ARFRP1: variants seen among roughly 807,000 people sequenced by gnomAD.
ARFRP1 encodes the protein ARF related protein 1.
In ARFRP1, 19 loss-of-function variants were observed where a neutral mutation model predicts 30.3. The observed-to-expected ratio is 0.63, with a 90% CI of 0.44 to 0.92. ARFRP1 has a LOEUF of 0.92. Among genes scored for constraint, ARFRP1 ranks in the 40% least tolerant of loss-of-function variants. The pLI is 0.00. For synonymous variants in ARFRP1, 133 were observed against 114.2 expected (o/e 1.16, Z -1.05); for missense variants, 245 against 267.5 (o/e 0.92, Z 0.59).
Position 63,706,631 on chromosome 20 carries a change from C to G in ARFRP1, c.181+20G>C, listed in dbSNP as rs761022856. 6.3e-7 allele frequency: 1 copy of G among 1,587,754 alleles called. No homozygotes were observed. Among genetic ancestry groups the G allele is most frequent in the Admixed American group, 1.7e-5 (1 of 59,982 alleles). On this transcript the variant is annotated intron_variant, in intron 3 of 7. Coordinates refer to ENST00000622789, the MANE Select transcript of ARFRP1 (RefSeq NM_001267547.3). ...CATCCTCAAGGCCCCAAACCCACAG[C>G]CTGCTATTGAGACCCTTACTGTTTA... is the stretch of plus-strand genomic sequence containing the variant.
chr20:63,702,045 A>C (rs1281798168), intron 5 of ARFRP1, 91 bp downstream of exon 5: 1 of 1,247,798 alleles, frequency 8.0e-7, no homozygotes, highest in Admixed American at 2.0e-5. Flanking sequence ...TTCTGACCAG[A>C]CACTGAGCCT....
intron 2 of ARFRP1, 95 bp from the exon 3 acceptor site, chr20:63,706,833 G>C: frequency 7.7e-7 from 1 of 1,302,962 alleles, no homozygotes; most frequent in Non-Finnish European, 1.1e-6. Flanking sequence ...GACAGAAACA[G>C]AAACAGAGCA....
At position 63,699,895 on chromosome 20, in the gene ARFRP1, C is replaced by T. The variant is rs906974233; in HGVS notation, c.*548G>A. 8 of 173,016 alleles carry T rather than the reference C, an allele frequency of 4.6e-5. No individual in the cohort carries two copies. The highest frequency in any genetic ancestry group is 1.3e-4 in the South Asian group (1 of 7,544). The allele number at this position is 173,016 out of a possible 1,614,324, so 10.7% of individuals were successfully genotyped here. A position where few individuals can be genotyped will look rare whatever the true frequency, so the allele number is the denominator to read the frequency against. On this transcript the variant is annotated 3_prime_UTR_variant, in exon 8 of 8. Coordinates refer to ENST00000622789, the MANE Select transcript of ARFRP1 (RefSeq NM_001267547.3). ...TCCCCCGCAGGCCTCAGCCCTGTCCCGAGGCTGCATCACAATCCAGGGCCC... is the reference window on the plus strand; with the variant it reads ...TCCCCCGCAGGCCTCAGCCCTGTCCTGAGGCTGCATCACAATCCAGGGCCC...
At chr20:63,700,886 A>G (rs1407290651) in intron 6 of ARFRP1, 184 bp from the exon 7 acceptor site, 16 of 785,704 alleles carry the variant, frequency 2.0e-5, no homozygotes, top group Non-Finnish European at 2.8e-5. Flanking sequence ...GAGGCTGAAC[A>G]TGGCTGGTAG....
intron 1 of ARFRP1, chr20:63,707,298 G>C: frequency 3.5e-6 from 2 of 572,568 alleles, no homozygotes; most frequent in South Asian, 4.3e-5. Flanking sequence ...CCTGCTCACA[G>C]CAATGACTGC....
In ARFRP1 at chr20:63,700,691, TGA is replaced by T. The variant is rs1568747960; in HGVS notation, c.427_428del (p.Ser143AsnfsTer3). On this transcript the variant is annotated frameshift_variant, in exon 7 of 8. Coordinates refer to ENST00000622789, the MANE Select transcript of ARFRP1 (RefSeq NM_001267547.3). LOFTEE classifies it high-confidence loss of function. Reference sequence around the variant, plus strand: ...TGAAGGCCGTCTTGATGTCAGGGATTGAGAGGCACGTCTGGGGGAGGTAAGGC... The same window carrying T: ...TGAAGGCCGTCTTGATGTCAGGGATTGAGGCACGTCTGGGGGAGGTAAGGC... ...ANKQDVETCL[S>X]IPDIKTAFSD... is the part of the protein sequence containing the mutation. 1.2e-6 allele frequency: 2 copies of T among 1,610,796 alleles called. No individual in the cohort carries two copies. Among genetic ancestry groups the T allele is most frequent in the Non-Finnish European group, 1.7e-6 (2 of 1,179,874 alleles).
intron 4 of ARFRP1, 153 bp downstream of exon 4, chr20:63,706,202 CAG>C: frequency 1.4e-6 from 1 of 717,288 alleles, no homozygotes; most frequent in East Asian, 2.6e-5. Flanking sequence ...TGGGACAAAA[CAG>C]GGAGCCACTC....
rs533959149 is a variant in ARFRP1, at chr20:63,699,992, C to T, written c.*451G>A. The T allele has an allele frequency of 8.1e-5, 15 of 185,664 alleles. No individual in the cohort carries two copies. The highest frequency in any genetic ancestry group is 2.1e-4 in the East Asian group (1 of 4,762). The allele number at this position is 185,664 out of a possible 1,614,324, so 11.5% of individuals were successfully genotyped here. On this transcript the variant is annotated 3_prime_UTR_variant, in exon 8 of 8. Coordinates refer to ENST00000622789, the MANE Select transcript of ARFRP1 (RefSeq NM_001267547.3). ...CAGCCCCAGACCACTTCCGGGGTCACGGGGTCACGGGGTCACAGGGCAGAA... is the reference window on the plus strand; with the variant it reads ...CAGCCCCAGACCACTTCCGGGGTCATGGGGTCACGGGGTCACAGGGCAGAA...
Position 63,699,656 on chromosome 20 carries a change from A to G in ARFRP1, c.*787T>C, listed in dbSNP as rs994704173. The G allele has an allele frequency of 1.3e-5, 2 of 152,774 alleles. No homozygotes were observed. Among genetic ancestry groups the G allele is most frequent in the Non-Finnish European group, 2.9e-5 (2 of 68,546 alleles). The allele number at this position is 152,774 out of a possible 1,614,324, so 9.5% of individuals were successfully genotyped here. A position where few individuals can be genotyped will look rare whatever the true frequency, so the allele number is the denominator to read the frequency against. ...GACCCCAGGACCAGCCTTACTCCCGAGCAGGGGACACAGGGCCCCACAGAG... is the reference window on the plus strand; with the variant it reads ...GACCCCAGGACCAGCCTTACTCCCGGGCAGGGGACACAGGGCCCCACAGAG... On this transcript the variant is annotated 3_prime_UTR_variant, in exon 8 of 8. Transcript: ENST00000622789.
At chr20:63,703,878 G>A in intron 4 of ARFRP1, 1 of 152,648 alleles carries the variant, frequency 6.6e-6, no homozygotes. Flanking sequence ...ACGCCCCAGT[G>A]GAGGCGTCAC....
chr20:63,704,917 GC>G (rs1424112575), intron 4 of ARFRP1: 1 of 152,272 alleles, frequency 6.6e-6, no homozygotes, highest in Non-Finnish European at 1.5e-5. Context: ...GGCCAGCCTG[GC>G]CCCACATGGC....
At chr20:63,701,347 CT>C (rs1411926425) in intron 6 of ARFRP1, 1 of 536,148 alleles carries the variant, frequency 1.9e-6, no homozygotes, top group Non-Finnish European at 3.8e-6. Context: ...ACAGCTAGAA[CT>C]CAGCGTGGCC....
chr20:63,703,674 GAGA>G (rs1051531977), intron 4 of ARFRP1: 16 of 152,510 alleles, frequency 1.0e-4, no homozygotes, highest in Admixed American at 9.8e-4. Context: ...AGCCCAGTGA[GAGA>G]ATCTCCACGT....
chr20:63,702,274 AGCCAGGCCTGT>A, intron 4 of ARFRP1, 57 bp from the exon 5 acceptor site: 2 of 1,530,148 alleles, frequency 1.3e-6, no homozygotes, highest in Non-Finnish European at 1.8e-6. Context: ...GGGCCAGCAG[AGCCAGGCCTGT>A]GTCATGGCCA....
rs2091135349 is a variant in ARFRP1 at position 63,700,318 on chromosome 20, C to T, written c.*125G>A. 1 of 1,382,878 alleles carries T rather than the reference C, an allele frequency of 7.2e-7. No individual in the cohort carries two copies. The highest frequency in any genetic ancestry group is 9.8e-7 in the Non-Finnish European group (1 of 1,020,402). 85.7% of individuals were successfully genotyped at this position (1,382,878 alleles called of 1,614,324 possible). A position where few individuals can be genotyped will look rare whatever the true frequency, so the allele number is the denominator to read the frequency against. On this transcript the variant is annotated 3_prime_UTR_variant, in exon 8 of 8. Transcript: ENST00000622789. ...AGAGGAAAGTTTGTCTTCGAGAAAA[C>T]AAAGTAAATAGAAGAACCCCAAAGC...
chr20:63,705,621 G>A (rs548174394), intron 4 of ARFRP1: 1 of 531,136 alleles, frequency 1.9e-6, no homozygotes, highest in Non-Finnish European at 3.9e-6. Flanking sequence ...TGTTAAGCTA[G>A]AACTGAAGGA....
At chr20:63,701,997 T>TGGGGGGGGGG in intron 5 of ARFRP1, 97 bp from the exon 6 acceptor site, 1 of 684,602 alleles carries the variant, frequency 1.5e-6, no homozygotes, top group Non-Finnish European at 2.2e-6. Context: ...CCACTCCCTC[T>TGGGGGGGGGG]GCCCCCCCCC....
chr20:63,701,862 C>A lies in ARFRP1; in HGVS notation c.385G>T (p.Val129Phe). The change falls in exon 6 of 8, where the codon GTC (valine) becomes TTC (phenylalanine). Residue 129 changes from valine (V) to phenylalanine (F), a missense_variant. Physicochemically the swap from Val to Phe is conservative, Grantham distance 50. Coordinates refer to ENST00000622789, the MANE Select transcript of ARFRP1 (RefSeq NM_001267547.3). ...VTSEALCGVP[V>F]LVLANKQDVE... ...TCCTGCTTGTTGGCCAGCACCAAGA[C>A]GGGGACACCGCACAGCGCCTCGCTG... 1 of 1,550,480 alleles carries A rather than the reference C, an allele frequency of 6.4e-7. No homozygotes were observed. The highest frequency in any genetic ancestry group is 8.7e-7 in the Non-Finnish European group (1 of 1,147,074).
Position 63,707,026 on chromosome 20 carries a change from G to A in ARFRP1, c.66C>T (p.Ile22=), listed in dbSNP as rs137883585. ...TCTTCCCAGCATTGTCCAGGCCCAG[G>A]ATCAGGATGCAGTACTCGTCCTTCT... ...MFQKDEYCIL[I]LGLDNAGKTT... is the part of the protein sequence containing the mutation. The change falls in exon 2 of 8, where the codon ATC becomes ATT. Residue 22 remains isoleucine (I), a synonymous_variant. Coordinates refer to ENST00000622789, the MANE Select transcript of ARFRP1 (RefSeq NM_001267547.3). The A allele has an allele frequency of 2.9e-4, 468 of 1,613,894 alleles. 5 individuals carry two copies. In the South Asian group the frequency reaches 4.2e-3, roughly 15 times the overall value.
Sources: gnomAD v4.1 joint callset for allele counts on GRCh38, gnomAD v4.1.1 for gene constraint, MANE v1.5 for transcripts, NCBI Gene and HGNC (gene_info 2026-07-23, HGNC 2026-07-21) for gene names.